The following ZFAT variants were observed in gnomAD, a reference collection of about 807,000 sequenced individuals.
ZFAT encodes zinc finger protein ZFAT.
In ZFAT, 64 loss-of-function variants were observed where a neutral mutation model predicts 117.7. That is an observed-to-expected ratio of 0.54 (90% CI 0.44 to 0.67). The LOEUF (loss-of-function observed/expected upper bound fraction) is 0.67. ZFAT is among the 30% of genes least tolerant of loss of function. ZFAT has a pLI of 0.00. For missense variants in ZFAT, 1,433 were observed against 1,584.5 expected (o/e 0.90, Z 1.62); for synonymous variants, 679 against 615.0 (o/e 1.10, Z -1.54).
chr8:134,777,620 A>G, the ZFAT span, among the ~76,000 whole-genome samples: 1 of 152,232 alleles, frequency 6.6e-6, no homozygotes, highest in African/African-American at 2.4e-5. Flanking sequence ...ATTTAAATGC[A>G]AGTTCTGTTC....
chr8:134,494,311 G>A (rs550168121), intron 15 of ZFAT, among the ~76,000 whole-genome samples: 117 of 152,242 alleles, frequency 7.7e-4, no homozygotes, highest in Middle Eastern at 6.8e-3. Flanking sequence ...AATCACCCCC[G>A]TGACCATCCT....
At chr8:134,657,192 T>A (rs1469293488) in intron 2 of ZFAT, among the ~76,000 whole-genome samples, 1 of 152,212 alleles carries the variant, frequency 6.6e-6, no homozygotes, top group Admixed American at 6.5e-5. Context: ...AACCAGCATA[T>A]TTCTCATCAT....
At chr8:134,823,249 C>T in the ZFAT span, among the ~76,000 whole-genome samples, 4 of 152,112 alleles carry the variant, frequency 2.6e-5, no homozygotes, top group Non-Finnish European at 5.9e-5. Context: ...AGTACTGAAA[C>T]AGTTGCCAGT....
At chr8:134,503,211 T>G (rs1049163001) in intron 15 of ZFAT, among the ~76,000 whole-genome samples, 2 of 152,194 alleles carry the variant, frequency 1.3e-5, no homozygotes, top group Admixed American at 1.3e-4. Flanking sequence ...TCCTGGGGGT[T>G]AGTGTGCCAT....
chr8:134,521,115 C>A (rs1410897234), intron 12 of ZFAT, 114 bp from the exon 13 acceptor site: 2 of 673,304 alleles, frequency 3.0e-6, no homozygotes, highest in South Asian at 1.9e-5. Flanking sequence ...TTGTCTCCAG[C>A]ACTTGTATTC....
At chr8:134,821,545 G>A in the ZFAT span, among the ~76,000 whole-genome samples, 605 of 145,712 alleles carry the variant, frequency 4.2e-3, 4 homozygotes, top group African/African-American at 0.014. Flanking sequence ...ACATGCATGC[G>A]GTTTAAAAAA....
Position 134,601,819 on chromosome 8 carries a change from G to A in ZFAT, c.1900C>T (p.Leu634=), listed in dbSNP as rs767890584. 6.2e-7 allele frequency: 1 copy of A among 1,613,790 alleles called. No homozygotes were observed. Among genetic ancestry groups the A allele is most frequent in the Non-Finnish European group, 8.5e-7 (1 of 1,179,828 alleles). ...CCAGCACTCTGGGCCTTGGACAGCA[G>A]TAGTGTGATCACTTCACCTTGCGTC... The part of the protein sequence containing the change: ...VQTQGEVITL[L]LSKAQSAGSD... Residue 634 remains leucine, a synonymous_variant, in exon 6 of 16, where the codon CTG becomes TTG. Coordinates refer to ENST00000377838, the MANE Select transcript of ZFAT (RefSeq NM_020863.4).
At chr8:134,625,205 A>C (rs1346258905) in intron 3 of ZFAT, among the ~76,000 whole-genome samples, 1 of 152,252 alleles carries the variant, frequency 6.6e-6, no homozygotes, top group Non-Finnish European at 1.5e-5. Flanking sequence ...TGCTTCCAGC[A>C]TGTGCTCTTC....
chr8:134,564,998 C>T, intron 11 of ZFAT: 1 of 1,275,162 alleles, frequency 7.8e-7, no homozygotes, highest in Non-Finnish European at 1.0e-6. Flanking sequence ...TGCAGCAATC[C>T]AGGATCTGAA....
intron 2 of ZFAT, among the ~76,000 whole-genome samples, chr8:134,640,759 C>A (rs1164574397): frequency 2.0e-5 from 3 of 152,106 alleles, no homozygotes; most frequent in African/African-American, 7.2e-5. Context: ...TCCTCAAGAC[C>A]AATTAGCTAG....
At chr8:134,823,588 G>A in the ZFAT span, among the ~76,000 whole-genome samples, 1 of 152,208 alleles carries the variant, frequency 6.6e-6, no homozygotes, top group African/African-American at 2.4e-5. Context: ...AGACAGGAGA[G>A]TGATAGGAAT....
chr8:134,541,656 G>A (rs148533922), intron 11 of ZFAT, among the ~76,000 whole-genome samples: 23 of 152,314 alleles, frequency 1.5e-4, no homozygotes, highest in African/African-American at 5.3e-4. Flanking sequence ...GGAGAGAGGG[G>A]GAAGGGAAGA....
At chr8:134,595,021 C>T (rs1420742306) in intron 7 of ZFAT, 1 of 152,202 alleles carries the variant, frequency 6.6e-6, no homozygotes, top group African/African-American at 2.4e-5. Flanking sequence ...ATGGTGGAGG[C>T]AGGAGCCCAG....
intron 3 of ZFAT, among the ~76,000 whole-genome samples, chr8:134,631,240 G>C (rs944539652): frequency 6.6e-6 from 1 of 152,208 alleles, no homozygotes; most frequent in African/African-American, 2.4e-5. Flanking sequence ...TGAAGAGACT[G>C]CCTAATTATT....
the ZFAT span, among the ~76,000 whole-genome samples, chr8:134,763,010 T>C: frequency 5.4e-3 from 818 of 152,294 alleles, 3 homozygotes; most frequent in African/African-American, 0.019. Flanking sequence ...CACAACAGTC[T>C]CTTAACCAGT....
At chr8:134,719,280 G>C in the ZFAT span, among the ~76,000 whole-genome samples, 1 of 152,188 alleles carries the variant, frequency 6.6e-6, no homozygotes, top group African/African-American at 2.4e-5. Context: ...CTTTGACTTT[G>C]GACAACTTAC....
At chr8:134,484,193 C>T (rs1234449305) in intron 15 of ZFAT, among the ~76,000 whole-genome samples, 1 of 152,236 alleles carries the variant, frequency 6.6e-6, no homozygotes, top group Non-Finnish European at 1.5e-5. Context: ...TTACAATCCA[C>T]CTCTGCACAG....
At chr8:134,819,774 T>C in the ZFAT span, among the ~76,000 whole-genome samples, 1 of 152,104 alleles carries the variant, frequency 6.6e-6, no homozygotes. Flanking sequence ...GAACAATGTA[T>C]ATTTACATAA....
intron 13 of ZFAT, among the ~76,000 whole-genome samples, chr8:134,516,778 C>A (rs908503419): frequency 1.6e-4 from 25 of 151,914 alleles, no homozygotes; most frequent in African/African-American, 4.8e-5. Flanking sequence ...ATTGCTTGAG[C>A]CCAGGAGTTC....
Sources: allele counts gnomAD v4.1 joint callset (sites outside exome capture counted in the v4.1 genomes callset), GRCh38; gene constraint gnomAD v4.1.1; transcripts MANE v1.5; gene names NCBI Gene and HGNC (gene_info 2026-07-23, HGNC 2026-07-21).